DACH2: variants seen among roughly 807,000 people sequenced by gnomAD.
DACH2 encodes dachshund family transcription factor 2.
A neutral mutation model predicts 35.8 loss-of-function variants in DACH2; 17 were observed. The ratio of observed to expected loss-of-function variants is 0.48; its 90% CI spans 0.33 to 0.71. DACH2 has a LOEUF of 0.71. Ranked by LOEUF, DACH2 falls within the 30% of genes least tolerant of loss-of-function variation. DACH2 has a pLI of 0.02. For synonymous variants in DACH2, 195 were observed against 177.3 expected (o/e 1.10, Z -0.79); for missense variants, 469 against 472.7 (o/e 0.99, Z 0.07).
chrX:86,779,596 G>T (rs1602938545), intron 7 of DACH2, among the ~76,000 whole-genome samples: 1 of 111,512 alleles, frequency 9.0e-6, no homozygotes. Context: ...CACTGGAGGG[G>T]AGCAGAAACT....
intron 2 of DACH2, among the ~76,000 whole-genome samples, chrX:86,459,997 C>T (rs1433347382): frequency 9.1e-6 from 1 of 110,408 alleles, no homozygotes; most frequent in African/African-American, 3.3e-5. Context: ...CTAGTTTGCT[C>T]CCCCATTTAT....
chrX:86,637,605 T>G lies in DACH2; in HGVS notation c.641-13431T>G, dbSNP rs141369608. 5.0e-3 allele frequency among the ~76,000 whole-genome samples: 564 copies of G among 111,829 alleles called. 3 individuals are homozygous for G. The highest frequency in any genetic ancestry group is 0.017 in the African/African-American group (533 of 30,793). ...TGGATGGATTTGCAGACCATTATCC[T>G]TAGCAAACTAATGCAGGAGCAGAAA... On this transcript the variant is annotated intron_variant, in intron 3 of 11. Transcript: ENST00000373125.
At chrX:86,183,967 G>A (rs772382141) in intron 1 of DACH2, among the ~76,000 whole-genome samples, 1 of 111,484 alleles carries the variant, frequency 9.0e-6, no homozygotes, top group East Asian at 2.8e-4. Context: ...TTGCATGGAG[G>A]TGTTTATAAT....
intron 1 of DACH2, among the ~76,000 whole-genome samples, chrX:86,360,171 G>A (rs6653103): frequency 0.014 from 1,521 of 111,256 alleles, 26 homozygotes; most frequent in African/African-American, 0.047. Flanking sequence ...ATTTATATAG[G>A]ATCCAGAACA....
intron 7 of DACH2, 49 bp from the exon 8 acceptor site, chrX:86,812,807 T>G (rs762056053): frequency 1.9e-6 from 2 of 1,053,638 alleles, no homozygotes; most frequent in Admixed American, 6.1e-5. Flanking sequence ...TAGTGAGACT[T>G]TTGAGCTCTT....
intron 1 of DACH2, among the ~76,000 whole-genome samples, chrX:86,303,156 A>G (rs900481607): frequency 1.9e-5 from 2 of 105,512 alleles, no homozygotes; most frequent in East Asian, 6.0e-4. Flanking sequence ...GAAAACATAC[A>G]TAAAGAGCAC....
chrX:86,150,769 A>G (rs978961227), intron 1 of DACH2, among the ~76,000 whole-genome samples: 1 of 112,066 alleles, frequency 8.9e-6, no homozygotes, highest in Non-Finnish European at 1.9e-5. Context: ...TAGTACACAA[A>G]CTAAAAAGGT....
At chrX:86,719,399 A>T (rs1439445396) in intron 6 of DACH2, among the ~76,000 whole-genome samples, 2 of 112,311 alleles carry the variant, frequency 1.8e-5, no homozygotes, top group Non-Finnish European at 3.8e-5. Flanking sequence ...TCATATCATC[A>T]GTGAACTGGG....
chrX:86,160,110 G>A (rs1478135122), intron 1 of DACH2, among the ~76,000 whole-genome samples: 1 of 110,635 alleles, frequency 9.0e-6, no homozygotes, highest in Non-Finnish European at 1.9e-5. Context: ...ATTTTACAAT[G>A]CATTGTTATC....
intron 4 of DACH2, among the ~76,000 whole-genome samples, chrX:86,686,259 A>G (rs982839045): frequency 9.0e-6 from 1 of 110,873 alleles, no homozygotes; most frequent in Admixed American, 9.6e-5. Context: ...TTTGAGACGG[A>G]GTCTCACTCT....
intron 5 of DACH2, among the ~76,000 whole-genome samples, chrX:86,699,917 T>C (rs1326694697): frequency 8.9e-6 from 1 of 111,810 alleles, no homozygotes; most frequent in African/African-American, 3.2e-5. Context: ...GTCTCATTAG[T>C]CTCAAATAAT....
chrX:86,712,203 G>A (rs184113059), intron 5 of DACH2, among the ~76,000 whole-genome samples: 1 of 111,298 alleles, frequency 9.0e-6, no homozygotes, highest in African/African-American at 3.3e-5. Context: ...TTATTATATT[G>A]AGCATAATGT....
At chrX:86,476,408 ACTT>A (rs1336842330) in intron 2 of DACH2, among the ~76,000 whole-genome samples, 1 of 111,176 alleles carries the variant, frequency 9.0e-6, no homozygotes, top group Non-Finnish European at 1.9e-5. Context: ...TACAAATTTC[ACTT>A]CTTCTAGATT....
intron 2 of DACH2, among the ~76,000 whole-genome samples, chrX:86,501,730 T>C (rs1543327): frequency 0.066 from 7,353 of 111,123 alleles, 623 homozygotes; most frequent in African/African-American, 0.23. Context: ...AAGGAAAACA[T>C]TTTTTAGTTT....
intron 1 of DACH2, among the ~76,000 whole-genome samples, chrX:86,179,840 C>G (rs2031417571): frequency 9.1e-6 from 1 of 110,183 alleles, no homozygotes; most frequent in Non-Finnish European, 1.9e-5. Flanking sequence ...GAAAAGATTG[C>G]TTAACGAAAA....
At chrX:86,333,146 A>C (rs1334868577) in intron 1 of DACH2, among the ~76,000 whole-genome samples, 1 of 111,840 alleles carries the variant, frequency 8.9e-6, no homozygotes, top group Non-Finnish European at 1.9e-5. Context: ...GACTTTTTAT[A>C]TTTTCTATTG....
At chrX:86,433,304 C>T (rs1158289014) in intron 2 of DACH2, among the ~76,000 whole-genome samples, 3 of 111,488 alleles carry the variant, frequency 2.7e-5, no homozygotes, top group African/African-American at 9.8e-5. Flanking sequence ...AAGATCTAGA[C>T]AAATCTTGCC....
intron 1 of DACH2, among the ~76,000 whole-genome samples, chrX:86,237,563 C>T (rs1037238519): frequency 2.7e-5 from 3 of 111,236 alleles, no homozygotes; most frequent in African/African-American, 9.8e-5. Context: ...CGCCTCTGCC[C>T]GAGTTTTTAC....
At chrX:86,261,058 T>C (rs556142351) in intron 1 of DACH2, among the ~76,000 whole-genome samples, 3 of 112,259 alleles carry the variant, frequency 2.7e-5, no homozygotes, top group Non-Finnish European at 5.6e-5. Context: ...ATTACTTCAA[T>C]TGCCTGCATT....
Sources: allele counts gnomAD v4.1 joint callset (sites outside exome capture counted in the v4.1 genomes callset), GRCh38; gene constraint gnomAD v4.1.1; transcripts MANE v1.5; gene names NCBI Gene and HGNC (gene_info 2026-07-23, HGNC 2026-07-21).